The following RBFOX1 variants were observed in gnomAD, a reference collection of about 807,000 sequenced individuals.
RBFOX1 encodes the protein RNA binding fox-1 homolog 1, also known as RNA binding protein fox-1 homolog 1.
Under a neutral mutation model 57.7 loss-of-function variants are expected in RBFOX1, and 8 were observed. The observed-to-expected ratio is 0.14, with a 90% CI of 0.08 to 0.25. RBFOX1 has a LOEUF of 0.25. Among genes scored for constraint, RBFOX1 ranks in the 10% least tolerant of loss-of-function variants. RBFOX1 has a pLI of 1.00. For synonymous variants in RBFOX1, 326 were observed against 222.4 expected (o/e 1.47, Z -4.15); for missense variants, 611 against 548.5 (o/e 1.11, Z -1.14).
chr16:7,104,609 G>T (rs2063254802), intron 4 of RBFOX1, among the ~76,000 whole-genome samples: 3 of 152,124 alleles, frequency 2.0e-5, no homozygotes, highest in Admixed American at 2.0e-4. Context: ...ACCTCTTGCT[G>T]TGATATTGCT....
At chr16:5,749,199 C>G (rs951870551) in intron 3 of RBFOX1, among the ~76,000 whole-genome samples, 1 of 152,058 alleles carries the variant, frequency 6.6e-6, no homozygotes. Context: ...TGCCCCCACC[C>G]CCTTTTGGTT....
intron 3 of RBFOX1, among the ~76,000 whole-genome samples, chr16:5,622,755 A>G (rs1275727985): frequency 2.0e-5 from 3 of 152,240 alleles, no homozygotes; most frequent in African/African-American, 2.4e-5. Flanking sequence ...CCTCAAAGCC[A>G]AGAATGTTTA....
At chr16:6,677,677 C>A (rs7204892) in intron 3 of RBFOX1, among the ~76,000 whole-genome samples, 1 of 152,000 alleles carries the variant, frequency 6.6e-6, no homozygotes, top group African/African-American at 2.4e-5. Flanking sequence ...CAAAGTTGGA[C>A]GGCTGTATCC....
At chr16:6,909,964 A>G (rs116464107) in intron 3 of RBFOX1, among the ~76,000 whole-genome samples, 140 of 152,066 alleles carry the variant, frequency 9.2e-4, no homozygotes, top group African/African-American at 2.8e-3. Flanking sequence ...CTGATTTCCA[A>G]TATTGCTCCT....
intron 1 of RBFOX1, among the ~76,000 whole-genome samples, chr16:6,136,831 A>G (rs557807937): frequency 1.2e-4 from 19 of 152,344 alleles, no homozygotes; most frequent in Non-Finnish European, 2.6e-4. Context: ...TTTTGCTGTG[A>G]AACCCTTTGT....
chr16:6,254,739 A>G (rs1172163431), intron 1 of RBFOX1, among the ~76,000 whole-genome samples: 3 of 152,200 alleles, frequency 2.0e-5, no homozygotes, highest in African/African-American at 4.8e-5. Context: ...CTCTTTTAAA[A>G]TTAACATAAA....
chr16:5,400,758 C>G (rs1482026238), intron 1 of RBFOX1, among the ~76,000 whole-genome samples: 1 of 151,956 alleles, frequency 6.6e-6, no homozygotes. Context: ...ATTGTAAAAA[C>G]TTTCATTCCC....
chr16:5,385,269 A>G (rs2066228039), intron 1 of RBFOX1, among the ~76,000 whole-genome samples: 1 of 152,044 alleles, frequency 6.6e-6, no homozygotes, highest in South Asian at 2.1e-4. Flanking sequence ...ATGTGAAGCT[A>G]CTCCCTTCTA....
chr16:6,189,207 G>T (rs2097126748), intron 1 of RBFOX1, among the ~76,000 whole-genome samples: 1 of 152,194 alleles, frequency 6.6e-6, no homozygotes, highest in African/African-American at 2.4e-5. Flanking sequence ...CATAGCAAAT[G>T]TTACAACATC....
At chr16:6,709,917 C>G (rs917064893) in intron 3 of RBFOX1, among the ~76,000 whole-genome samples, 2 of 152,096 alleles carry the variant, frequency 1.3e-5, no homozygotes, top group Admixed American at 1.3e-4. Flanking sequence ...GCTGTTCTAA[C>G]GGGGCCCTTT....
intron 2 of RBFOX1, among the ~76,000 whole-genome samples, chr16:5,479,865 C>A (rs1482338973): frequency 2.0e-5 from 3 of 152,158 alleles, no homozygotes; most frequent in Non-Finnish European, 2.9e-5. Flanking sequence ...AATTTGCTTC[C>A]TGTTTCCCAC....
At chr16:7,105,037 C>G (rs923550190) in intron 4 of RBFOX1, among the ~76,000 whole-genome samples, 2 of 152,142 alleles carry the variant, frequency 1.3e-5, no homozygotes, top group African/African-American at 2.4e-5. Context: ...CTTCTTGGCA[C>G]CTACAGATCT....
chr16:5,935,812 C>G (rs1034944421), intron 4 of RBFOX1, among the ~76,000 whole-genome samples: 2 of 152,202 alleles, frequency 1.3e-5, no homozygotes, highest in East Asian at 1.9e-4. Flanking sequence ...GCTAGTTTAT[C>G]TCTTGTGCTG....
At chr16:6,358,728 G>A (rs1305083940) in intron 2 of RBFOX1, among the ~76,000 whole-genome samples, 3 of 152,192 alleles carry the variant, frequency 2.0e-5, no homozygotes, top group Non-Finnish European at 1.5e-5. Context: ...TGAAGCTGGA[G>A]TTTGGAACAG....
At chr16:5,276,952 A>G (rs1161632556) in intron 1 of RBFOX1, among the ~76,000 whole-genome samples, 1 of 152,228 alleles carries the variant, frequency 6.6e-6, no homozygotes, top group Non-Finnish European at 1.5e-5. Flanking sequence ...GTATCTACCC[A>G]GAGAAAAGGA....
At chr16:6,669,759 C>T (rs550031259) in intron 3 of RBFOX1, among the ~76,000 whole-genome samples, 23 of 152,182 alleles carry the variant, frequency 1.5e-4, no homozygotes, top group African/African-American at 5.1e-4. Flanking sequence ...ACAGAACCTT[C>T]AGAATAGAAA....
intron 3 of RBFOX1, among the ~76,000 whole-genome samples, chr16:6,810,469 C>T (rs1053557618): frequency 7.9e-5 from 12 of 152,076 alleles, no homozygotes; most frequent in Non-Finnish European, 1.5e-4. Flanking sequence ...ATCTAATTTT[C>T]CGTTCATGGC....
At chr16:6,931,948 G>C (rs112790462) in intron 3 of RBFOX1, among the ~76,000 whole-genome samples, 3,325 of 152,186 alleles carry the variant, frequency 0.022, 126 homozygotes, top group African/African-American at 0.075. Context: ...GGGGGCTGAA[G>C]TCATCCTTTT....
chr16:5,512,651 A>T (rs576112684), intron 2 of RBFOX1, among the ~76,000 whole-genome samples: 1 of 152,286 alleles, frequency 6.6e-6, no homozygotes, highest in East Asian at 1.9e-4. Context: ...GGTTCATAAA[A>T]AGTTACAAAG....
Sources: allele counts gnomAD v4.1 joint callset (sites outside exome capture counted in the v4.1 genomes callset), GRCh38; gene constraint gnomAD v4.1.1; transcripts MANE v1.5; gene names NCBI Gene and HGNC (gene_info 2026-07-23, HGNC 2026-07-21).